The following PTPRD variants were observed in gnomAD, a reference collection of about 807,000 sequenced individuals.
The protein encoded by PTPRD is protein tyrosine phosphatase receptor type D.
In PTPRD, 34 loss-of-function variants were observed where a neutral mutation model predicts 214.5. The observed-to-expected ratio is 0.16, with a 90% CI of 0.12 to 0.21. The LOEUF is 0.21. Ranked by LOEUF, PTPRD falls within the 10% of genes least tolerant of loss-of-function variation. The pLI, the probability that PTPRD is intolerant of heterozygous loss-of-function variation, is 1.00. For missense variants in PTPRD, 2,545 were observed against 2,398.7 expected (o/e 1.06, Z -1.27); for synonymous variants, 1,128 against 845.7 (o/e 1.33, Z -5.79).
intron 5 of PTPRD, among the ~76,000 whole-genome samples, chr9:9,788,575 A>T (rs1318097806): frequency 6.6e-6 from 1 of 151,752 alleles, no homozygotes; most frequent in Non-Finnish European, 1.5e-5. Context: ...AGAAAGAAAA[A>T]AAAAAGAAAA....
intron 39 of PTPRD, among the ~76,000 whole-genome samples, chr9:8,365,039 C>A (rs903434114): frequency 1.3e-5 from 2 of 152,060 alleles, no homozygotes; most frequent in Non-Finnish European, 2.9e-5. Flanking sequence ...GGAAAACATA[C>A]TAGACCCGCA....
chr9:9,850,874 T>C (rs1446721268), intron 5 of PTPRD, among the ~76,000 whole-genome samples: 4 of 152,196 alleles, frequency 2.6e-5, no homozygotes, highest in Non-Finnish European at 4.4e-5. Context: ...TTTTACTCTC[T>C]GCTTCTATGA....
At chr9:10,322,574 T>C (rs576078900) in intron 3 of PTPRD, among the ~76,000 whole-genome samples, 2 of 152,190 alleles carry the variant, frequency 1.3e-5, no homozygotes, top group East Asian at 1.9e-4. Context: ...AACCTTAATA[T>C]ATAAGTTTGC....
chr9:9,966,191 A>G (rs1000124763), intron 4 of PTPRD, among the ~76,000 whole-genome samples: 1 of 152,166 alleles, frequency 6.6e-6, no homozygotes, highest in Admixed American at 6.5e-5. Context: ...GACAGAAACT[A>G]AAGACCTAAG....
intron 5 of PTPRD, among the ~76,000 whole-genome samples, chr9:9,829,864 A>G (rs1043132006): frequency 2.0e-5 from 3 of 151,806 alleles, no homozygotes; most frequent in African/African-American, 7.2e-5. Flanking sequence ...AGCATTTGCT[A>G]CTATTTCTAT....
intron 18 of PTPRD, among the ~76,000 whole-genome samples, chr9:8,524,212 A>C (rs1233111282): frequency 3.3e-5 from 5 of 152,242 alleles, no homozygotes; most frequent in South Asian, 4.1e-4. Flanking sequence ...GAACATATGA[A>C]TGTATCCTCA....
intron 3 of PTPRD, among the ~76,000 whole-genome samples, chr9:10,253,260 C>A (rs2092950121): frequency 6.6e-6 from 1 of 152,152 alleles, no homozygotes; most frequent in African/African-American, 2.4e-5. Flanking sequence ...TCTTAAGGGA[C>A]TGTGGGTCTT....
intron 9 of PTPRD, among the ~76,000 whole-genome samples, chr9:9,245,172 C>A (rs146030853): frequency 0.011 from 1,648 of 152,218 alleles, 36 homozygotes; most frequent in African/African-American, 0.037. Flanking sequence ...AATAGGAACA[C>A]TTTTACACTG....
chr9:9,740,016 C>T (rs962653792), intron 6 of PTPRD, among the ~76,000 whole-genome samples: 1 of 152,114 alleles, frequency 6.6e-6, no homozygotes, highest in Non-Finnish European at 1.5e-5. Flanking sequence ...GTACACAAAG[C>T]ACTTACTCTA....
At chr9:8,714,261 G>C (rs993263030) in intron 12 of PTPRD, among the ~76,000 whole-genome samples, 1 of 152,078 alleles carries the variant, frequency 6.6e-6, no homozygotes, top group Non-Finnish European at 1.5e-5. Flanking sequence ...TCCTAACAAA[G>C]CACAAATATA....
intron 11 of PTPRD, among the ~76,000 whole-genome samples, chr9:8,963,340 G>A (rs898731403): frequency 3.9e-5 from 6 of 152,038 alleles, no homozygotes; most frequent in Non-Finnish European, 8.8e-5. Context: ...ATTATAGCAA[G>A]GTTTAATTTT....
intron 10 of PTPRD, among the ~76,000 whole-genome samples, chr9:9,094,534 G>C (rs2099780780): frequency 6.6e-6 from 1 of 152,086 alleles, no homozygotes; most frequent in Non-Finnish European, 1.5e-5. Flanking sequence ...GGAAAGTTGG[G>C]AGGGACTGAA....
intron 30 of PTPRD, among the ~76,000 whole-genome samples, chr9:8,477,723 G>A (rs2096793743): frequency 6.6e-6 from 1 of 152,076 alleles, no homozygotes; most frequent in African/African-American, 2.4e-5. Flanking sequence ...CATATGCCTG[G>A]TCACTCTTAG....
At chr9:9,176,277 A>G (rs1013237378) in intron 10 of PTPRD, among the ~76,000 whole-genome samples, 2 of 152,186 alleles carry the variant, frequency 1.3e-5, no homozygotes, top group Non-Finnish European at 2.9e-5. Context: ...TTATTTCTAG[A>G]AAGAGGTATC....
intron 3 of PTPRD, among the ~76,000 whole-genome samples, chr9:10,128,174 A>G (rs148233123): frequency 4.3e-4 from 66 of 152,200 alleles, no homozygotes; most frequent in South Asian, 1.2e-3. Flanking sequence ...TTGACTCAAA[A>G]TAATTGGTTC....
In PTPRD at chr9:8,538,418, C is replaced by G. The variant is rs1018410063; in HGVS notation, c.353-9639G>C. ...TATTTGTTAGCTTTGTAAAAAGTTACAAACCAACAAGCTCAATCAAATGGG... is the reference window on the plus strand; with the variant it reads ...TATTTGTTAGCTTTGTAAAAAGTTAGAAACCAACAAGCTCAATCAAATGGG... On this transcript the variant is annotated intron_variant, in intron 14 of 45. Transcript: ENST00000381196. Among the ~76,000 whole-genome samples, 5 of 151,802 alleles carry G rather than the reference C, an allele frequency of 3.3e-5. No homozygotes were observed. The South Asian group carries it at 1.0e-3, about 31-fold the overall frequency.
At chr9:9,638,645 T>C (rs1013652567) in intron 7 of PTPRD, among the ~76,000 whole-genome samples, 1 of 152,190 alleles carries the variant, frequency 6.6e-6, no homozygotes, top group Non-Finnish European at 1.5e-5. Context: ...CCAGCCTCTA[T>C]CCATTACCTA....
At chr9:9,988,545 T>G (rs999275663) in intron 4 of PTPRD, among the ~76,000 whole-genome samples, 3 of 152,170 alleles carry the variant, frequency 2.0e-5, no homozygotes, top group Non-Finnish European at 4.4e-5. Flanking sequence ...GTCTCAAAGA[T>G]AAAGTGCCAG....
intron 7 of PTPRD, among the ~76,000 whole-genome samples, chr9:9,646,506 G>A (rs1401764013): frequency 6.6e-6 from 1 of 151,928 alleles, no homozygotes; most frequent in Non-Finnish European, 1.5e-5. Flanking sequence ...TTTTCTGCTG[G>A]CTCGCTATGA....
Sources: gnomAD v4.1 joint callset for allele counts (sites outside exome capture counted in the v4.1 genomes callset) on GRCh38, gnomAD v4.1.1 for gene constraint, MANE v1.5 for transcripts, NCBI Gene and HGNC (gene_info 2026-07-23, HGNC 2026-07-21) for gene names.